The following LRRC9 variants were observed in gnomAD, a reference collection of about 807,000 sequenced individuals.
LRRC9 encodes the protein leucine rich repeat containing 9, also known as leucine-rich repeat-containing protein 9.
In LRRC9, 122 loss-of-function variants were observed where a neutral mutation model predicts 63.2. The observed-to-expected ratio is 1.93, with a 90% CI of 1.67 to 2.24. The LOEUF is 2.24. LRRC9 is among the 30% of genes most tolerant of loss of function. The pLI is 0.00. For missense variants in LRRC9, 1,071 were observed against 627.7 expected, an observed-to-expected ratio of 1.71 and a Z score of -7.55; for synonymous variants, 366 against 213.1, an observed-to-expected ratio of 1.72 and a Z score of -6.25.
At chr14:60,056,590 T>C (rs2140454000) in intron 30 of LRRC9, among the ~76,000 whole-genome samples, 1 of 152,320 alleles carries the variant, frequency 6.6e-6, no homozygotes, top group African/African-American at 2.4e-5. Flanking sequence ...ATCAGTGCTA[T>C]ACATAGGAAT....
At chr14:59,985,377 G>C (rs1318914693) in intron 17 of LRRC9, among the ~76,000 whole-genome samples, 153 bp downstream of exon 17, 1 of 152,214 alleles carries the variant, frequency 6.6e-6, no homozygotes, top group Non-Finnish European at 1.5e-5. Context: ...CTAGGTATCT[G>C]ATGCACAGCA....
rs763144266 is a variant in LRRC9 at position 59,961,355 on chromosome 14, CAA to C, written c.1211+311_1211+312del. 4.1e-4 allele frequency among the ~76,000 whole-genome samples: 63 copies of C among 152,194 alleles called. 1 individual carries two copies. The highest frequency in any genetic ancestry group is 1.4e-3 in the South Asian group (7 of 4,828). On this transcript the variant is annotated intron_variant, in intron 10 of 31. Transcript: ENST00000445360. Reference sequence around the variant, plus strand: ...TAATTTAGAAAAAAAAATTTATAATCAAGTTTTAATTTTTAAAATATGTTTAT... The same window carrying C: ...TAATTTAGAAAAAAAAATTTATAATCGTTTTAATTTTTAAAATATGTTTAT...
intron 23 of LRRC9, among the ~76,000 whole-genome samples, chr14:60,012,684 C>T (rs1458793774): frequency 6.6e-6 from 1 of 152,090 alleles, no homozygotes; most frequent in Non-Finnish European, 1.5e-5. Flanking sequence ...CACATCCATG[C>T]CTGTTTGTTT....
At chr14:60,009,770 G>T (rs975286516) in intron 23 of LRRC9, among the ~76,000 whole-genome samples, 2 of 152,170 alleles carry the variant, frequency 1.3e-5, no homozygotes, top group East Asian at 3.9e-4. Flanking sequence ...GAGACAATGG[G>T]GGTACAGGCA....
intron 23 of LRRC9, among the ~76,000 whole-genome samples, chr14:60,012,540 A>G (rs1307527866): frequency 6.6e-6 from 1 of 152,238 alleles, no homozygotes. Context: ...GAGTTTGAGT[A>G]AAAGTAGATC....
chr14:59,977,250 C>T, exon 14 of LRRC9: 1 of 688,570 alleles, frequency 1.5e-6, no homozygotes. Flanking sequence ...CAAAAGTTTT[C>T]CTTGGCCAGA....
rs150451606 is a variant in LRRC9 at position 59,942,672 on chromosome 14, G to A, written c.727-1917G>A. ...GAACCCAGAAGGCAGAAGTTGCGGT[G>A]AGCCGATATCACACCACTGCACTTC... On this transcript the variant is annotated intron_variant, in intron 7 of 31. Coordinates refer to ENST00000445360, the Ensembl canonical transcript of LRRC9. The surrounding 1 kb of genome is among the most constrained non-coding windows in gnomAD (Gnocchi z 5.3). Among the ~76,000 whole-genome samples, 184 of 152,284 alleles carry A rather than the reference G, an allele frequency of 1.2e-3. No homozygotes were observed. Among genetic ancestry groups the A allele is most frequent in the African/African-American group, 4.1e-3 (170 of 41,564 alleles).
At chr14:60,013,305 C>G (rs1890408746) in intron 23 of LRRC9, among the ~76,000 whole-genome samples, 1 of 151,988 alleles carries the variant, frequency 6.6e-6, no homozygotes, top group Admixed American at 6.6e-5. Context: ...GACAGGCCAT[C>G]AGGAAGGGAA....
intron 17 of LRRC9, among the ~76,000 whole-genome samples, chr14:59,991,833 G>A (rs1457794566): frequency 6.6e-6 from 1 of 152,178 alleles, no homozygotes; most frequent in Non-Finnish European, 1.5e-5. Flanking sequence ...ACTGCGTGGA[G>A]CCCACCACAG....
intron 29 of LRRC9, among the ~76,000 whole-genome samples, chr14:60,041,063 C>T (rs1390465875): frequency 6.6e-6 from 1 of 151,876 alleles, no homozygotes; most frequent in Non-Finnish European, 1.5e-5. Flanking sequence ...AAATTGTTTT[C>T]TTTAAGAATG....
rs1224558704 is a variant in LRRC9 at position 59,942,429 on chromosome 14, C to G, written c.727-2160C>G. Among the ~76,000 whole-genome samples, 1 of 152,134 alleles carries G rather than the reference C, an allele frequency of 6.6e-6. No individual in the cohort carries two copies. The highest frequency in any genetic ancestry group is 1.5e-5 in the Non-Finnish European group (1 of 68,016). ...TTTGAGAAAACGCCATCCTGTTTTT[C>G]ATAGTGGCTGTACTAATTTACATTT... On this transcript the variant is annotated intron_variant, in intron 7 of 31. Coordinates refer to ENST00000445360, the Ensembl canonical transcript of LRRC9. This position sits in a 1 kb window ranked among gnomAD's most constrained non-coding sequence, Gnocchi z 5.3.
intron 16 of LRRC9, among the ~76,000 whole-genome samples, 193 bp downstream of exon 16, chr14:59,982,253 A>G (rs1302121153): frequency 6.6e-6 from 1 of 152,258 alleles, no homozygotes; most frequent in East Asian, 1.9e-4. Flanking sequence ...TGAACCACAT[A>G]TGTAATTTTT....
rs936163166 is a variant in LRRC9 at position 60,003,399 on chromosome 14, C to T, written c.2665-222C>T. ...TTACTGTAATGGGACTCTAGCACAT[C>T]GCAGTGTCCTTAATACCATATAAGT... On this transcript the variant is annotated intron_variant, in intron 20 of 31. Coordinates refer to ENST00000445360, the Ensembl canonical transcript of LRRC9. This position sits in a 1 kb window ranked among gnomAD's most constrained non-coding sequence, Gnocchi z 4.2. 3.9e-5 allele frequency among the ~76,000 whole-genome samples: 6 copies of T among 152,214 alleles called. No homozygotes were observed. Among genetic ancestry groups the T allele is most frequent in the African/African-American group, 1.4e-4 (6 of 41,458 alleles).
At position 60,058,415 on chromosome 14, in the gene LRRC9, A is replaced by G. The variant is rs1894433996; in HGVS notation, c.4276+393A>G. On this transcript the variant is annotated intron_variant, in intron 31 of 31. Coordinates refer to ENST00000445360, the Ensembl canonical transcript of LRRC9. The surrounding 1 kb of genome is among the most constrained non-coding windows in gnomAD (Gnocchi z 4.4). ...AAGTGGAAATCAGAGATGTAAAAGC[A>G]TAACAGAATCCCGGGGTACAAAGGA... 6.6e-6 allele frequency among the ~76,000 whole-genome samples: 1 copy of G among 152,224 alleles called. No homozygotes were observed. Among genetic ancestry groups the G allele is most frequent in the Non-Finnish European group, 1.5e-5 (1 of 68,012 alleles).
At chr14:59,935,497 C>T (rs929849673) in intron 6 of LRRC9, among the ~76,000 whole-genome samples, 2 of 152,108 alleles carry the variant, frequency 1.3e-5, no homozygotes, top group African/African-American at 4.8e-5. Flanking sequence ...GGCTTCTATC[C>T]TTTGACCTAT....
downstream of LRRC9, among the ~76,000 whole-genome samples, chr14:60,066,561 C>A (rs554711334): frequency 1.3e-5 from 2 of 152,280 alleles, no homozygotes; most frequent in South Asian, 2.1e-4. Context: ...TCTGGACCAC[C>A]TGCAAGTGCT....
intron 21 of LRRC9, among the ~76,000 whole-genome samples, chr14:60,005,215 A>G (rs1221483890): frequency 2.0e-5 from 3 of 152,204 alleles, no homozygotes; most frequent in Middle Eastern, 3.4e-3. Flanking sequence ...CATGAGAATC[A>G]CTTAGGACAC....
At chr14:59,961,529 G>A (rs1220265146) in intron 10 of LRRC9, among the ~76,000 whole-genome samples, 1 of 152,138 alleles carries the variant, frequency 6.6e-6, no homozygotes, top group Non-Finnish European at 1.5e-5. Context: ...TAGGTCTGTG[G>A]TCAGAGTGGA....
At position 60,051,071 on chromosome 14, in the gene LRRC9, A is replaced by G. The variant is rs160242; in HGVS notation, c.3991-1994A>G. ...TCAGGAGGAACAGGATCAAGGACAC[A>G]CTTACAGGAGTAGTCTGGCTGCTTT... On this transcript the variant is annotated intron_variant, in intron 29 of 31. Transcript: ENST00000445360. The surrounding 1 kb of genome is among the most constrained non-coding windows in gnomAD (Gnocchi z 4.7). Among the ~76,000 whole-genome samples, 112,117 of 152,192 alleles carry G rather than the reference A, an allele frequency of 0.74. 43,785 individuals are homozygous for G. Among genetic ancestry groups the G allele is most frequent in the Non-Finnish European group, 0.87 (59,050 of 68,024 alleles).
Sources: allele counts gnomAD v4.1 joint callset (sites outside exome capture counted in the v4.1 genomes callset), GRCh38; gene constraint gnomAD v4.1.1; non-coding constraint Gnocchi (gnomAD v3.1); transcripts MANE v1.5; gene names NCBI Gene and HGNC (gene_info 2026-07-23, HGNC 2026-07-21).